CSMD2: variants seen among roughly 807,000 people sequenced by gnomAD.
CSMD2 encodes the protein CUB and Sushi multiple domains 2, also known as CUB and sushi domain-containing protein 2.
A neutral mutation model predicts 398.5 loss-of-function variants in CSMD2; 130 were observed. That is an observed-to-expected ratio of 0.33 (90% CI 0.28 to 0.38). The LOEUF (loss-of-function observed/expected upper bound fraction) is 0.38. Ranked by LOEUF, CSMD2 falls within the 10% of genes least tolerant of loss-of-function variation. CSMD2 has a pLI of 1.00. For synonymous variants in CSMD2, 1,828 were observed against 1,908.5 expected (o/e 0.96, Z 1.10); for missense variants, 3,829 against 4,764.9 (o/e 0.80, Z 5.78).
intron 3 of CSMD2, among the ~76,000 whole-genome samples, chr1:33,943,008 T>C (rs1149138): frequency 0.014 from 2,097 of 152,274 alleles, 21 homozygotes; most frequent in Non-Finnish European, 0.018. Context: ...TCAGCAATGC[T>C]GGAGCCAGCA....
At chr1:33,732,659 C>T (rs534432649) in intron 15 of CSMD2, among the ~76,000 whole-genome samples, 1 of 152,350 alleles carries the variant, frequency 6.6e-6, no homozygotes, top group African/African-American at 2.4e-5. Context: ...GTCTGTGGCA[C>T]TGTGTTACGG....
At position 33,864,581 on chromosome 1, in the gene CSMD2, G is replaced by A. The variant is rs770673970; in HGVS notation, c.921-17585C>T. On this transcript the variant is annotated intron_variant, in intron 5 of 70. Transcript: ENST00000373381. Reference sequence around the variant, plus strand: ...AGGTGGCCAAGGCCACAGGGAAGATGTGGTCAACAGCGACAGACCTGGAGA... The same window carrying A: ...AGGTGGCCAAGGCCACAGGGAAGATATGGTCAACAGCGACAGACCTGGAGA... 4 of 1,613,936 alleles carry A rather than the reference G, an allele frequency of 2.5e-6. No homozygotes were observed. Among genetic ancestry groups the A allele is most frequent in the Non-Finnish European group, 3.4e-6 (4 of 1,180,016 alleles).
rs375873007 is a variant in CSMD2, at chr1:33,521,446, G to C, written c.10597+17C>G. ...ACCCACCCGGGCCCACACTTCCGGGGGACAAGCACTAGTTACCCAGTCTTT... is the reference window on the plus strand; with the variant it reads ...ACCCACCCGGGCCCACACTTCCGGGCGACAAGCACTAGTTACCCAGTCTTT... On this transcript the variant is annotated intron_variant, in intron 68 of 70. Coordinates refer to ENST00000373381, the MANE Select transcript of CSMD2 (RefSeq NM_001281956.2). 1 of 1,525,208 alleles carries C rather than the reference G, an allele frequency of 6.6e-7. No homozygotes were observed. Among genetic ancestry groups the C allele is most frequent in the African/African-American group, 1.4e-5 (1 of 73,144 alleles). 94.5% of individuals were successfully genotyped at this position (1,525,208 alleles called of 1,614,324 possible). A position where few individuals can be genotyped will look rare whatever the true frequency, so the allele number is the denominator to read the frequency against.
At chr1:33,696,367 C>A (rs1301511028) in intron 24 of CSMD2, among the ~76,000 whole-genome samples, 1 of 152,158 alleles carries the variant, frequency 6.6e-6, no homozygotes, top group Non-Finnish European at 1.5e-5. Flanking sequence ...TCACACAGGA[C>A]CACTAAGGAA....
intron 5 of CSMD2, among the ~76,000 whole-genome samples, chr1:33,872,192 T>C (rs1371559467): frequency 6.6e-6 from 1 of 152,078 alleles, no homozygotes; most frequent in Non-Finnish European, 1.5e-5. Flanking sequence ...CTAATAAACT[T>C]AGTGATCTAG....
intron 11 of CSMD2, among the ~76,000 whole-genome samples, chr1:33,788,960 C>G (rs1253858015): frequency 6.6e-6 from 1 of 152,184 alleles, no homozygotes; most frequent in Non-Finnish European, 1.5e-5. Flanking sequence ...CTCTCTAGCC[C>G]TGACCCTTGG....
chr1:33,890,589 T>A lies in CSMD2; in HGVS notation c.920+27505A>T, dbSNP rs188531663. Among the ~76,000 whole-genome samples the A allele has an allele frequency of 7.0e-4, 106 of 151,968 alleles. 1 individual carries two copies. The highest frequency in any genetic ancestry group is 6.8e-3 in the Middle Eastern group (2 of 294). On this transcript the variant is annotated intron_variant, in intron 5 of 70. Transcript: ENST00000373381. ...CTTTTTTTCAGCCCGCATCGCCAAG[T>A]CAATCCTAAGCCAAAAGAACAAAGC...
intron 1 of CSMD2, among the ~76,000 whole-genome samples, chr1:34,161,523 G>A (rs1158412456): frequency 6.6e-6 from 1 of 152,160 alleles, no homozygotes; most frequent in East Asian, 1.9e-4. Flanking sequence ...AGAGATAGGA[G>A]AAAAATCAGT....
At chr1:34,156,878 A>C (rs1640857787) in intron 1 of CSMD2, among the ~76,000 whole-genome samples, 1 of 152,208 alleles carries the variant, frequency 6.6e-6, no homozygotes, top group Non-Finnish European at 1.5e-5. Context: ...ATACAAACAC[A>C]AACAGGTGGA....
intron 41 of CSMD2, 125 bp downstream of exon 41, chr1:33,610,916 C>T: frequency 2.3e-6 from 2 of 858,984 alleles, no homozygotes; most frequent in South Asian, 3.3e-5. Flanking sequence ...CCTGACTGGG[C>T]CTGCCACCGC....
In CSMD2 at chr1:33,698,668, T is replaced by C. The variant is rs981218678; in HGVS notation, c.3925+85A>G. The C allele has an allele frequency of 1.8e-5, 23 of 1,302,780 alleles. No individual in the cohort carries two copies. In the African/African-American group the frequency reaches 3.0e-4, roughly 17 times the overall value. 80.7% of individuals were successfully genotyped at this position (1,302,780 alleles called of 1,614,324 possible). On this transcript the variant is annotated intron_variant, in intron 24 of 70. Coordinates refer to ENST00000373381, the MANE Select transcript of CSMD2 (RefSeq NM_001281956.2). Reference sequence around the variant, plus strand: ...TTGATGGCCCCCAGGCCCTGGAGCATGGGGTCTAACTGGAATGAGACCAGG... The same window carrying C: ...TTGATGGCCCCCAGGCCCTGGAGCACGGGGTCTAACTGGAATGAGACCAGG...
chr1:33,619,678 C>T (rs1641638159), intron 37 of CSMD2, among the ~76,000 whole-genome samples: 1 of 152,212 alleles, frequency 6.6e-6, no homozygotes, highest in Non-Finnish European at 1.5e-5. Flanking sequence ...TGCTATCACT[C>T]TGGAAATTCC....
chr1:33,789,366 A>G (rs1925338), intron 11 of CSMD2, among the ~76,000 whole-genome samples: 32,853 of 152,194 alleles, frequency 0.22, 4,508 homozygotes, highest in Non-Finnish European at 0.31. Context: ...GCACTTATCA[A>G]TTTCCTACCC....
chr1:33,645,014 G>A (rs1553162853), intron 29 of CSMD2, among the ~76,000 whole-genome samples: 1 of 152,144 alleles, frequency 6.6e-6, no homozygotes, highest in African/African-American at 2.4e-5. Context: ...AGTCCAATGA[G>A]TTGATGGATA....
At chr1:33,521,371 T>C in intron 68 of CSMD2, 92 bp downstream of exon 68, 1 of 883,702 alleles carries the variant, frequency 1.1e-6, no homozygotes, top group Non-Finnish European at 1.9e-6. Context: ...CTCAGACTGT[T>C]CAACTTCCCC....
chr1:34,079,894 A>C (rs553960155), intron 2 of CSMD2, among the ~76,000 whole-genome samples: 1 of 152,298 alleles, frequency 6.6e-6, no homozygotes, highest in East Asian at 1.9e-4. Flanking sequence ...AGAAGAGCAA[A>C]CATATCAGTT....
At chr1:34,031,493 A>G (rs1570880733) in intron 3 of CSMD2, among the ~76,000 whole-genome samples, 1 of 152,134 alleles carries the variant, frequency 6.6e-6, no homozygotes, top group East Asian at 1.9e-4. Flanking sequence ...AGCAAAAGAC[A>G]GGTGGAACTT....
At chr1:33,807,464 A>C (rs2124948251) in intron 10 of CSMD2, among the ~76,000 whole-genome samples, 1 of 152,320 alleles carries the variant, frequency 6.6e-6, no homozygotes, top group African/African-American at 2.4e-5. Flanking sequence ...CAAGAAAATA[A>C]ATTTTAAAGC....
intron 25 of CSMD2, among the ~76,000 whole-genome samples, chr1:33,680,126 G>A (rs1316901816): frequency 2.3e-5 from 3 of 132,344 alleles, no homozygotes; most frequent in Admixed American, 7.7e-5. Flanking sequence ...GGGTTTCACC[G>A]TGTTAGCCAG....
Sources: allele counts gnomAD v4.1 joint callset (sites outside exome capture counted in the v4.1 genomes callset), GRCh38; gene constraint gnomAD v4.1.1; transcripts MANE v1.5; gene names NCBI Gene and HGNC (gene_info 2026-07-23, HGNC 2026-07-21).